ESR1: variants seen among roughly 807,000 people sequenced by gnomAD.
ESR1 encodes the protein estrogen receptor.
ESR1 carries 12 observed loss-of-function variants against 52.7 expected under a neutral mutation model. The ratio of observed to expected loss-of-function variants is 0.23; its 90% CI spans 0.15 to 0.37. The LOEUF (loss-of-function observed/expected upper bound fraction) is 0.37. Among genes scored for constraint, ESR1 ranks in the 10% least tolerant of loss-of-function variants. The pLI, the probability that ESR1 is intolerant of heterozygous loss-of-function variation, is 1.00. For missense variants in ESR1, 584 were observed against 779.7 expected, an observed-to-expected ratio of 0.75 and a Z score of 2.99; for synonymous variants, 305 against 316.8, an observed-to-expected ratio of 0.96 and a Z score of 0.39.
chr6:151,793,244 C>T (rs1227487294), intron 2 of ESR1, among the ~76,000 whole-genome samples: 3 of 151,894 alleles, frequency 2.0e-5, no homozygotes, highest in Admixed American at 6.6e-5. Context: ...CTAGGCCTAC[C>T]CAGGGTCAGG....
rs1327631808 is a variant in ESR1, at chr6:152,069,375, A to C, written c.1369+8251A>C. On this transcript the variant is annotated intron_variant, in intron 6 of 7. Coordinates refer to ENST00000206249, the MANE Select transcript of ESR1 (RefSeq NM_000125.4). ...AGCAGTGAACCCATTGGAATGCAGGATCTGAAAAATATCTCAAAATGGCAA... is the reference window on the plus strand; with the variant it reads ...AGCAGTGAACCCATTGGAATGCAGGCTCTGAAAAATATCTCAAAATGGCAA... Among the ~76,000 whole-genome samples, 3 of 136,674 alleles carry C rather than the reference A, an allele frequency of 2.2e-5. 1 individual carries two copies. Among genetic ancestry groups the C allele is most frequent in the African/African-American group, 9.8e-5 (3 of 30,636 alleles). 89.7% of individuals were successfully genotyped at this position (136,674 alleles called of 152,430 possible).
intron 2 of ESR1, among the ~76,000 whole-genome samples, chr6:151,866,663 T>C (rs1789968114): frequency 6.6e-6 from 1 of 152,186 alleles, no homozygotes. Context: ...GATTGCATCC[T>C]TTTTTATGGC....
chr6:151,946,018 A>C (rs2035661665), intron 4 of ESR1, among the ~76,000 whole-genome samples: 1 of 152,236 alleles, frequency 6.6e-6, no homozygotes, highest in Non-Finnish European at 1.5e-5. Flanking sequence ...CATCTTCAGA[A>C]TGAAAAGTTT....
At chr6:151,746,144 T>G (rs904129481) in intron 2 of ESR1, among the ~76,000 whole-genome samples, 1 of 152,186 alleles carries the variant, frequency 6.6e-6, no homozygotes, top group Non-Finnish European at 1.5e-5. Context: ...TTCCACTTCT[T>G]GGCTGTTGTA....
intron 5 of ESR1, among the ~76,000 whole-genome samples, chr6:152,032,578 T>C (rs189538401): frequency 5.9e-5 from 9 of 152,258 alleles, no homozygotes; most frequent in Admixed American, 5.2e-4. Flanking sequence ...GAATCCAACT[T>C]ACAAGGGATG....
intron 2 of ESR1, among the ~76,000 whole-genome samples, chr6:151,749,521 C>G (rs1476779084): frequency 6.6e-6 from 1 of 152,208 alleles, no homozygotes; most frequent in Non-Finnish European, 1.5e-5. Context: ...GAACTGATTC[C>G]TCTCACCTAA....
intron 5 of ESR1, among the ~76,000 whole-genome samples, chr6:152,034,290 A>AAAATAAATAAATAAATAAATAAATAAAT (rs10588683): frequency 2.7e-5 from 4 of 150,164 alleles, no homozygotes; most frequent in Non-Finnish European, 4.4e-5. Flanking sequence ...AAGTACAATA[A>AAAATAAATAAATAAATAAATAAATAAAT]AAATAAATAA....
chr6:151,959,779 C>CA (rs1268661631), intron 4 of ESR1, among the ~76,000 whole-genome samples: 1 of 152,116 alleles, frequency 6.6e-6, no homozygotes, highest in East Asian at 1.9e-4. Context: ...TGGAAGACTA[C>CA]AAGCCACTGT....
chr6:152,097,457 A>C (rs2050709637), intron 7 of ESR1, among the ~76,000 whole-genome samples: 1 of 152,032 alleles, frequency 6.6e-6, no homozygotes, highest in Admixed American at 6.6e-5. Context: ...GTAGGCCCTG[A>C]ATAGCTTTGA....
chr6:151,972,240 A>G (rs2038985125), intron 4 of ESR1, among the ~76,000 whole-genome samples: 1 of 152,206 alleles, frequency 6.6e-6, no homozygotes, highest in Non-Finnish European at 1.5e-5. Context: ...AAAAATTGAT[A>G]CCAATCCTAC....
intron 3 of ESR1, among the ~76,000 whole-genome samples, chr6:151,903,582 T>C (rs1243687485): frequency 6.6e-6 from 1 of 152,110 alleles, no homozygotes; most frequent in Non-Finnish European, 1.5e-5. Context: ...TGACCACTTA[T>C]TTTCTTTAAT....
At chr6:152,104,226 T>C (rs2051034737), downstream of ESR1, among the ~76,000 whole-genome samples, 1 of 152,160 alleles carries the variant, frequency 6.6e-6, no homozygotes, top group African/African-American at 2.4e-5. Context: ...CTTCTCATTG[T>C]TTGAGTCACA....
At chr6:152,060,044 C>T (rs1353537191) in intron 5 of ESR1, among the ~76,000 whole-genome samples, 1 of 152,028 alleles carries the variant, frequency 6.6e-6, no homozygotes, top group Non-Finnish European at 1.5e-5. Flanking sequence ...CCGTCAAACA[C>T]ATCATGCCAA....
chr6:151,737,321 G>A (rs978883954), intron 2 of ESR1, among the ~76,000 whole-genome samples: 1 of 152,142 alleles, frequency 6.6e-6, no homozygotes, highest in Non-Finnish European at 1.5e-5. Flanking sequence ...CACATTTGAA[G>A]CCTCTTTATT....
At chr6:152,121,111 T>A (rs1325783399) in intron 6 of ESR1, among the ~76,000 whole-genome samples, 2 of 151,920 alleles carry the variant, frequency 1.3e-5, no homozygotes, top group African/African-American at 4.8e-5. Context: ...GAGACCTGAG[T>A]TTTATGTGCC....
chr6:151,830,994 A>G (rs1007274088), intron 1 of ESR1, among the ~76,000 whole-genome samples: 1 of 152,156 alleles, frequency 6.6e-6, no homozygotes, highest in African/African-American at 2.4e-5. Flanking sequence ...TCATCAAGTC[A>G]TTCTCTTATA....
At chr6:151,728,085 A>C (rs1249923025) in intron 2 of ESR1, among the ~76,000 whole-genome samples, 1 of 151,792 alleles carries the variant, frequency 6.6e-6, no homozygotes, top group Non-Finnish European at 1.5e-5. Context: ...AAATCAGGAC[A>C]CTCACAGCTT....
intron 2 of ESR1, among the ~76,000 whole-genome samples, chr6:151,703,527 T>C (rs1342634671): frequency 6.6e-5 from 10 of 152,166 alleles, no homozygotes; most frequent in Admixed American, 6.5e-4. Flanking sequence ...ACAGAAATGT[T>C]AATGGGTGAG....
chr6:151,683,204 G>C (rs533018016), intron 1 of ESR1, among the ~76,000 whole-genome samples: 3 of 152,128 alleles, frequency 2.0e-5, no homozygotes, highest in Non-Finnish European at 4.4e-5. Context: ...ATACTTTGAC[G>C]GTATTGGGAC....
Sources: gnomAD v4.1 joint callset for allele counts (sites outside exome capture counted in the v4.1 genomes callset) on GRCh38, gnomAD v4.1.1 for gene constraint, MANE v1.5 for transcripts, NCBI Gene and HGNC (gene_info 2026-07-23, HGNC 2026-07-21) for gene names.